SUPT3H: variants seen among roughly 807,000 people sequenced by gnomAD.
The protein encoded by SUPT3H is transcription initiation protein SPT3 homolog.
A neutral mutation model predicts 44.3 loss-of-function variants in SUPT3H; 44 were observed. The observed-to-expected ratio is 0.99, with a 90% CI of 0.78 to 1.28. The LOEUF (loss-of-function observed/expected upper bound fraction) is 1.28, where lower values mean the gene tolerates loss of function less well. Ranked by LOEUF, SUPT3H falls within the 50% of genes most tolerant of loss-of-function variation. SUPT3H has a pLI of 0.00. For missense variants in SUPT3H, 380 were observed against 387.1 expected, an observed-to-expected ratio of 0.98 and a Z score of 0.15; for synonymous variants, 124 against 125.6, an observed-to-expected ratio of 0.99 and a Z score of 0.09.
chr6:44,946,319 C>G (rs947248349), intron 9 of SUPT3H, among the ~76,000 whole-genome samples: 27 of 152,172 alleles, frequency 1.8e-4, no homozygotes, highest in African/African-American at 6.5e-4. Context: ...TTTCAACTTT[C>G]AAGTTTTATT....
In SUPT3H at chr6:44,985,082, T is replaced by C. The variant is rs575782803; in HGVS notation, c.504+18571A>G. ...GGCTGGGTATGGCAGCTCATGCCTG[T>C]AATCCTCGTGTTCTGGGAGGCTGTG... On this transcript the variant is annotated intron_variant, in intron 6 of 10. Transcript: ENST00000371459. 9.2e-5 allele frequency among the ~76,000 whole-genome samples: 14 copies of C among 151,748 alleles called. No individual in the cohort carries two copies. The South Asian group carries it at 2.7e-3, about 29-fold the overall frequency.
At chr6:45,277,211 T>G (rs1777163622) in intron 2 of SUPT3H, among the ~76,000 whole-genome samples, 2 of 152,210 alleles carry the variant, frequency 1.3e-5, no homozygotes, top group African/African-American at 2.4e-5. Flanking sequence ...ATTCTAATAC[T>G]TCATAGAAAT....
intron 3 of SUPT3H, chr6:45,097,657 A>T (rs1297629583): frequency 6.6e-6 from 1 of 152,218 alleles, no homozygotes; most frequent in Non-Finnish European, 1.5e-5. Context: ...CCTGCTATGC[A>T]AATACAAATA....
In SUPT3H at chr6:45,042,518, G is replaced by C. The variant is rs1441365123; in HGVS notation, c.187-21886C>G. Reference sequence around the variant, plus strand: ...CTTACTATATGTCTGGAATAGGGCAGATACTCATATTTGGTATCATAAGGG... The same window carrying C: ...CTTACTATATGTCTGGAATAGGGCACATACTCATATTTGGTATCATAAGGG... On this transcript the variant is annotated intron_variant, in intron 3 of 10. Coordinates refer to ENST00000371459, the MANE Select transcript of SUPT3H (RefSeq NM_003599.4). 4.6e-5 allele frequency among the ~76,000 whole-genome samples: 7 copies of C among 152,312 alleles called. No homozygotes were observed. In the East Asian group the frequency reaches 1.4e-3, roughly 29 times the overall value.
chr6:45,281,649 G>A (rs1778540399), intron 2 of SUPT3H, among the ~76,000 whole-genome samples: 2 of 152,182 alleles, frequency 1.3e-5, no homozygotes, highest in African/African-American at 4.8e-5. Flanking sequence ...TGCCTCTGTA[G>A]ACTCCACCTC....
intron 10 of SUPT3H, among the ~76,000 whole-genome samples, chr6:44,863,840 G>C (rs953702766): frequency 1.2e-4 from 19 of 152,062 alleles, no homozygotes; most frequent in Non-Finnish European, 2.6e-4. Flanking sequence ...AGGCAAGAGA[G>C]AGAATAAGAG....
chr6:45,248,532 A>G (rs917328781), intron 2 of SUPT3H, among the ~76,000 whole-genome samples: 2 of 152,220 alleles, frequency 1.3e-5, no homozygotes, highest in African/African-American at 4.8e-5. Context: ...AAATCATAGT[A>G]TGACACATCT....
intron 2 of SUPT3H, among the ~76,000 whole-genome samples, chr6:45,226,563 T>C (rs1013850591): frequency 6.6e-6 from 1 of 152,086 alleles, no homozygotes; most frequent in Admixed American, 6.6e-5. Flanking sequence ...TTTCTTCTTT[T>C]TGAGACGGAG....
At chr6:45,113,044 C>G (rs1340302247) in intron 2 of SUPT3H, among the ~76,000 whole-genome samples, 1 of 150,768 alleles carries the variant, frequency 6.6e-6, no homozygotes, top group Non-Finnish European at 1.5e-5. Flanking sequence ...AGAATGGACA[C>G]TGTGTGACTA....
chr6:45,108,853 A>C (rs1316183222), intron 2 of SUPT3H, among the ~76,000 whole-genome samples: 6 of 152,252 alleles, frequency 3.9e-5, no homozygotes, highest in East Asian at 3.9e-4. Context: ...AAAAAACTAA[A>C]ACTATAAAAG....
chr6:44,946,199 T>C (rs1363559560), intron 9 of SUPT3H, among the ~76,000 whole-genome samples: 1 of 152,206 alleles, frequency 6.6e-6, no homozygotes, highest in Non-Finnish European at 1.5e-5. Flanking sequence ...TTACTGCTCA[T>C]TGACAATGTA....
rs1175982828 is a variant in SUPT3H, at chr6:45,095,632, T to C, written c.186+10290A>G. 1.3e-5 allele frequency among the ~76,000 whole-genome samples: 2 copies of C among 152,202 alleles called. No homozygotes were observed. Among genetic ancestry groups the C allele is most frequent in the Non-Finnish European group, 2.9e-5 (2 of 68,018 alleles). ...GTAGATTCATACAGTGAAAATCTAATATGATTTTTAAATGGAATGGTAATT... is the reference window on the plus strand; with the variant it reads ...GTAGATTCATACAGTGAAAATCTAACATGATTTTTAAATGGAATGGTAATT... On this transcript the variant is annotated intron_variant, in intron 3 of 10. Coordinates refer to ENST00000371459, the MANE Select transcript of SUPT3H (RefSeq NM_003599.4). This position sits in a 1 kb window ranked among gnomAD's most constrained non-coding sequence, Gnocchi z 4.1.
intron 2 of SUPT3H, among the ~76,000 whole-genome samples, chr6:45,115,263 TG>T (rs1244388775): frequency 6.6e-6 from 1 of 152,132 alleles, no homozygotes; most frequent in East Asian, 1.9e-4. Flanking sequence ...TTACTTGGTA[TG>T]AGATAGTCAC....
chr6:45,358,374 C>T (rs1167545751), intron 2 of SUPT3H, among the ~76,000 whole-genome samples: 2 of 152,160 alleles, frequency 1.3e-5, no homozygotes, highest in Admixed American at 1.3e-4. Flanking sequence ...GTGGCTATCA[C>T]ACCGGATAAA....
chr6:45,307,722 C>A (rs1272114113), intron 2 of SUPT3H, among the ~76,000 whole-genome samples: 1 of 152,210 alleles, frequency 6.6e-6, no homozygotes, highest in Non-Finnish European at 1.5e-5. Context: ...CTCTCCTCCT[C>A]TAAAGGAACG....
intron 2 of SUPT3H, among the ~76,000 whole-genome samples, chr6:45,352,966 T>A (rs1792374907): frequency 6.6e-6 from 1 of 152,068 alleles, no homozygotes; most frequent in African/African-American, 2.4e-5. Context: ...TTGGCTGATT[T>A]TTACATACTG....
chr6:45,158,191 A>G (rs1311428215), intron 2 of SUPT3H, among the ~76,000 whole-genome samples: 2 of 127,834 alleles, frequency 1.6e-5, no homozygotes, highest in Non-Finnish European at 3.3e-5. Flanking sequence ...TGGTCTGGGT[A>G]GAAACCATAG....
chr6:45,009,568 C>T (rs1783183653), intron 5 of SUPT3H, among the ~76,000 whole-genome samples: 1 of 151,958 alleles, frequency 6.6e-6, no homozygotes, highest in Non-Finnish European at 1.5e-5. Flanking sequence ...GTCAAAATGG[C>T]TATTTTTTCC....
At chr6:45,046,840 T>C (rs548628704) in intron 3 of SUPT3H, among the ~76,000 whole-genome samples, 5 of 152,318 alleles carry the variant, frequency 3.3e-5, no homozygotes, top group Admixed American at 6.5e-5. Flanking sequence ...CCAACAATAT[T>C]GAGCTTTCTA....
Sources: gnomAD v4.1 joint callset for allele counts (sites outside exome capture counted in the v4.1 genomes callset) on GRCh38, gnomAD v4.1.1 for gene constraint, Gnocchi (gnomAD v3.1) non-coding constraint, MANE v1.5 for transcripts, NCBI Gene and HGNC (gene_info 2026-07-23, HGNC 2026-07-21) for gene names.